TNK1: variants seen among roughly 807,000 people sequenced by gnomAD.
TNK1 encodes the protein non-receptor tyrosine-protein kinase TNK1.
A neutral mutation model predicts 65.2 loss-of-function variants in TNK1; 53 were observed. The ratio of observed to expected loss-of-function variants is 0.81; its 90% CI spans 0.65 to 1.02. The LOEUF (loss-of-function observed/expected upper bound fraction) is 1.02, where lower values mean the gene tolerates loss of function less well. Among genes scored for constraint, TNK1 ranks in the 50% least tolerant of loss-of-function variants. The probability of loss-of-function intolerance (pLI) is 0.00; values close to 1 mark genes in which losing one functional copy is unlikely to be tolerated. For synonymous variants in TNK1, 353 were observed against 364.6 expected, an observed-to-expected ratio of 0.97 and a Z score of 0.36; for missense variants, 837 against 878.4, an observed-to-expected ratio of 0.95 and a Z score of 0.60.
At position 7,388,849 on chromosome 17, in the gene TNK1, G is replaced by T; in HGVS notation, c.1838G>T (p.Gly613Val). The T allele has an allele frequency of 6.2e-7, 1 of 1,605,048 alleles. No homozygotes were observed. Among genetic ancestry groups the T allele is most frequent in the East Asian group, 2.2e-5 (1 of 44,528 alleles). ...QECQTALGAT[G>V]GDVVSAIRNL... ...TGCCAGACAGCACTAGGAGCCACTG[G>T]GGGAGATGTGGTTTCTGCCATCCGG... The change falls in exon 12 of 13, where the codon GGG (glycine) becomes GTG (valine). Residue 613 changes from glycine to valine, a missense_variant. Transcript: ENST00000688331. This position sits in a 1 kb window ranked among gnomAD's most constrained non-coding sequence, Gnocchi z 4.5.
Position 7,384,605 on chromosome 17 carries a change from T to C in TNK1, c.988T>C (p.Tyr330His). 6.2e-7 allele frequency: 1 copy of C among 1,612,668 alleles called. No homozygotes were observed. ...GEEPWAGVPP[Y>H]LILQRLEDRA... ...GGAACCCTGGGCCGGGGTCCCACCGTACCTCATCCTGCAGCGGCTGGAGGA... is the reference window on the plus strand; with the variant it reads ...GGAACCCTGGGCCGGGGTCCCACCGCACCTCATCCTGCAGCGGCTGGAGGA... Residue 330 changes from tyrosine to histidine, a missense_variant, in exon 7 of 13, where the codon TAC (tyrosine) becomes CAC (histidine). Physicochemically the swap from Tyr to His is moderately conservative, Grantham distance 83. Transcript: ENST00000688331.
Position 7,387,422 on chromosome 17 carries a change from G to T in TNK1, c.1442G>T (p.Gly481Val). 6.2e-7 allele frequency: 1 copy of T among 1,604,350 alleles called. No homozygotes were observed. The highest frequency in any genetic ancestry group is 1.1e-5 in the South Asian group (1 of 88,956). ...ANLWDAPPAR[G>V]QRRNMPLERM... The stretch of plus-strand genomic sequence containing the variant: ...CTTTGGGATGCGCCCCCAGCACGGG[G>T]CCAGAGGAGGAACATGCCCCTGGAG... The change falls in exon 10 of 13, where the codon GGC becomes GTC. Residue 481 changes from glycine (G) to valine (V), a missense_variant. Transcript: ENST00000688331.
chr17:7,387,246 A>G, intron 9 of TNK1, 92 bp downstream of exon 9: 1 of 1,513,056 alleles, frequency 6.6e-7, no homozygotes, highest in Non-Finnish European at 8.9e-7. Flanking sequence ...GGACAGGACC[A>G]GAGTGAAGCT....
At chr17:7,386,730 C>T (rs979548562) in intron 8 of TNK1, 75 bp downstream of exon 8, 1 of 1,310,472 alleles carries the variant, frequency 7.6e-7, no homozygotes, top group South Asian at 1.3e-5. Flanking sequence ...CCCTTCTCTG[C>T]TTCTCTCCAG....
chr17:7,384,807 C>G lies in TNK1; in HGVS notation c.1137+53C>G, dbSNP rs1280580953. 14 of 1,530,742 alleles carry G rather than the reference C, an allele frequency of 9.1e-6. No homozygotes were observed. The East Asian group carries it at 2.4e-4, about 27-fold the overall frequency. The allele number at this position is 1,530,742 out of a possible 1,614,324, so 94.8% of individuals were successfully genotyped here. On this transcript the variant is annotated intron_variant, in intron 7 of 12. Coordinates refer to ENST00000688331, the MANE Select transcript of TNK1 (RefSeq NM_003985.6). ...ACAGTCCCTCTTCCCTCCATTCGCT[C>G]TCCCAGGGTTCCATGCGAAGACTAA... is the stretch of plus-strand genomic sequence containing the variant.
Position 7,388,337 on chromosome 17 carries a change from A to T in TNK1, c.1478-69A>T, listed in dbSNP as rs1597685919. On this transcript the variant is annotated intron_variant, in intron 10 of 12. Transcript: ENST00000688331. This position sits in a 1 kb window ranked among gnomAD's most constrained non-coding sequence, Gnocchi z 4.5. ...CTACTCGGGAGGCTGAGGTGGGAGG[A>T]TCGCTTGAGCCCGGGAGGCGGAGGC... The T allele has an allele frequency of 6.7e-7, 1 of 1,484,422 alleles. No individual in the cohort carries two copies. The highest frequency in any genetic ancestry group is 9.1e-7 in the Non-Finnish European group (1 of 1,101,054). The allele number at this position is 1,484,422 out of a possible 1,614,324, so 92.0% of individuals were successfully genotyped here. A position where few individuals can be genotyped will look rare whatever the true frequency, so the allele number is the denominator to read the frequency against.
chr17:7,382,222 C>T lies in TNK1; in HGVS notation c.-91-614C>T, dbSNP rs1450915574. On this transcript the variant is annotated intron_variant, in intron 1 of 12. Coordinates refer to ENST00000688331, the MANE Select transcript of TNK1 (RefSeq NM_003985.6). The surrounding 1 kb of genome is among the most constrained non-coding windows in gnomAD (Gnocchi z 4.1). Reference sequence around the variant, plus strand: ...CGGAGGTTGCAGCGAGCTGAGATCACGCCACTGCATTCCAGCCTAGATGAC... The same window carrying T: ...CGGAGGTTGCAGCGAGCTGAGATCATGCCACTGCATTCCAGCCTAGATGAC... Among the ~76,000 whole-genome samples, 6 of 149,872 alleles carry T rather than the reference C, an allele frequency of 4.0e-5. No homozygotes were observed. In the South Asian group the frequency reaches 8.4e-4, roughly 21 times the overall value.
chr17:7,386,944 C>T, intron 8 of TNK1, 46 bp from the exon 9 acceptor site: 1 of 1,506,098 alleles, frequency 6.6e-7, no homozygotes, highest in Non-Finnish European at 8.9e-7. Flanking sequence ...CCAGCCCTAA[C>T]TCTTGCCCTT....
intron 7 of TNK1, among the ~76,000 whole-genome samples, chr17:7,385,192 C>A (rs1453285148): frequency 6.6e-6 from 1 of 151,980 alleles, no homozygotes; most frequent in Non-Finnish European, 1.5e-5. Flanking sequence ...TGGAGAAACC[C>A]CGTCTCTACT....
Position 7,386,541 on chromosome 17 carries a change from C to A in TNK1, c.1138-20C>A. 1 of 1,582,592 alleles carries A rather than the reference C, an allele frequency of 6.3e-7. No individual in the cohort carries two copies. Among genetic ancestry groups the A allele is most frequent in the South Asian group, 1.2e-5 (1 of 86,636 alleles). ...GACTCAGGCCACAAGCCCAGCCACC[C>A]TTTCCTCTTGTCTCCACAGGCCGGG... On this transcript the variant is annotated intron_variant, in intron 7 of 12. Transcript: ENST00000688331.
Position 7,384,132 on chromosome 17 carries a change from C to A in TNK1, c.745C>A (p.Arg249Ser). ...GCTGGTGCACCGAGACCTCGCTACG[C>A]GCAACCTACTGCTGGCGTCGCCGCG... is the stretch of plus-strand genomic sequence containing the variant. ...RGLVHRDLAT[R>S]NLLLASPRTI... The change falls in exon 6 of 13, where the codon CGC (arginine) becomes AGC (serine). Residue 249 changes from arginine (R) to serine (S), a missense_variant. Arg to Ser is a moderately radical substitution (Grantham distance 110, BLOSUM62 -1). Coordinates refer to ENST00000688331, the MANE Select transcript of TNK1 (RefSeq NM_003985.6). 1.3e-6 allele frequency: 2 copies of A among 1,548,032 alleles called. No homozygotes were observed. Among genetic ancestry groups the A allele is most frequent in the African/African-American group, 1.4e-5 (1 of 73,364 alleles).
rs1905304061 is a variant in TNK1, at chr17:7,388,236, G to A, written c.1478-170G>A. Among the ~76,000 whole-genome samples the A allele has an allele frequency of 6.6e-6, 1 of 152,162 alleles. No homozygotes were observed. Among genetic ancestry groups the A allele is most frequent in the African/African-American group, 2.4e-5 (1 of 41,424 alleles). On this transcript the variant is annotated intron_variant, in intron 10 of 12. Transcript: ENST00000688331. The surrounding 1 kb of genome is among the most constrained non-coding windows in gnomAD (Gnocchi z 4.5). Reference sequence around the variant, plus strand: ...AGTCCAGGAGTTTGAGACCAGCCTGGGCAATGTGCCGAAACCCCTTCTCTA... The same window carrying A: ...AGTCCAGGAGTTTGAGACCAGCCTGAGCAATGTGCCGAAACCCCTTCTCTA...
At chr17:7,387,603 A>T (rs962984484) in intron 10 of TNK1, 146 bp downstream of exon 10, 10,523 of 410,666 alleles carry the variant, frequency 0.026, 131 homozygotes, top group Middle Eastern at 0.036. Context: ...TGTGCAATCT[A>T]TTTTTTTTTT....
chr17:7,383,711 C>A lies in TNK1; in HGVS notation c.429C>A (p.Val143=), dbSNP rs1180744056. Residue 143 remains valine (V), a splice_region_variant and synonymous_variant, in exon 5 of 13, where the codon GTC becomes GTA. Coordinates refer to ENST00000688331, the MANE Select transcript of TNK1 (RefSeq NM_003985.6). The part of the protein sequence containing the change: ...GLWTLPSGKS[V]PVAVKSLRVG... ...AAGGCGCTTCCCCCCACCTCCAGGT[C>A]CCAGTGGCTGTCAAGTCCCTCCGGG... 1 of 1,611,886 alleles carries A rather than the reference C, an allele frequency of 6.2e-7. No individual in the cohort carries two copies. Among genetic ancestry groups the A allele is most frequent in the African/African-American group, 1.3e-5 (1 of 74,910 alleles).
chr17:7,381,930 C>T (rs1482234241), intron 1 of TNK1, among the ~76,000 whole-genome samples: 2 of 152,200 alleles, frequency 1.3e-5, no homozygotes, highest in Non-Finnish European at 2.9e-5. Flanking sequence ...CACAGATGAG[C>T]CTGGGCGTTT....
chr17:7,383,500 G>C lies in TNK1; in HGVS notation c.310G>C (p.Glu104Gln), dbSNP rs757368247. 6.8e-6 allele frequency: 11 copies of C among 1,613,930 alleles called. No homozygotes were observed. The highest frequency in any genetic ancestry group is 5.5e-5 in the South Asian group (5 of 91,080). Residue 104 changes from glutamate to glutamine, a missense_variant, in exon 4 of 13, where the codon GAG (glutamate) becomes CAG (glutamine). By Grantham distance (29) the Glu-to-Gln change is conservative. Transcript: ENST00000688331. Reference protein sequence around the residue: ...SDSPRHLPEPEGGLKCLIPEG... With the variant: ...SDSPRHLPEPQGGLKCLIPEG... Reference sequence around the variant, plus strand: ...CAGCCCACGGCACCTCCCTGAGCCAGAGGGGGGCCTCAAGTGTCTGATCCC... The same window carrying C: ...CAGCCCACGGCACCTCCCTGAGCCACAGGGGGGCCTCAAGTGTCTGATCCC...
chr17:7,388,374 G>C lies in TNK1; in HGVS notation c.1478-32G>C. ...CGGGAGGCGGAGGCTGCAGCCAGCC[G>C]AGTTCAAGTTGTTTCCTTCTCAACT... On this transcript the variant is annotated intron_variant, in intron 10 of 12. Transcript: ENST00000688331. This position sits in a 1 kb window ranked among gnomAD's most constrained non-coding sequence, Gnocchi z 4.5. The C allele has an allele frequency of 1.3e-6, 2 of 1,557,528 alleles. No homozygotes were observed. Among genetic ancestry groups the C allele is most frequent in the Non-Finnish European group, 1.7e-6 (2 of 1,150,924 alleles).
Position 7,383,603 on chromosome 17 carries a change from C to T in TNK1, c.413C>T (p.Pro138Leu), listed in dbSNP as rs935467210. 2.5e-5 allele frequency: 40 copies of T among 1,601,876 alleles called. No homozygotes were observed. Among genetic ancestry groups the T allele is most frequent in the Non-Finnish European group, 3.3e-5 (39 of 1,172,878 alleles). Residue 138 changes from proline to leucine, a missense_variant, in exon 4 of 13, where the codon CCC becomes CTC. Pro to Leu is a moderately conservative substitution (Grantham distance 98, BLOSUM62 -3). Transcript: ENST00000688331. ...GTGCACCGAGGGCTGTGGACGCTGC[C>T]CAGTGGCAAGAGTGTGAGTGTCCAG... The part of the protein sequence containing the change: ...GVVHRGLWTL[P>L]SGKSVPVAVK...
chr17:7,384,508 C>G lies in TNK1; in HGVS notation c.891C>G (p.His297Gln), dbSNP rs766941720. ...GGTGTGCCCCAGAGAGCCTGCGCCA[C>G]GGAGCCTTCTCGTCTGCCTCGGACG... ...YAWCAPESLR[H>Q]GAFSSASDVW... The change falls in exon 7 of 13, where the codon CAC (histidine) becomes CAG (glutamine). Residue 297 changes from histidine (H) to glutamine (Q), a missense_variant. His to Gln is a conservative substitution (Grantham distance 24). Transcript: ENST00000688331. The G allele has an allele frequency of 6.3e-7, 1 of 1,580,510 alleles. No individual in the cohort carries two copies. The highest frequency in any genetic ancestry group is 8.6e-7 in the Non-Finnish European group (1 of 1,158,860).
Sources: gnomAD v4.1 joint callset for allele counts (sites outside exome capture counted in the v4.1 genomes callset) on GRCh38, gnomAD v4.1.1 for gene constraint, Gnocchi (gnomAD v3.1) non-coding constraint, MANE v1.5 for transcripts, NCBI Gene and HGNC (gene_info 2026-07-23, HGNC 2026-07-21) for gene names.